RP1L1: variants seen among roughly 807,000 people sequenced by gnomAD.
RP1L1 encodes RP1 like 1.
Under a neutral mutation model 15.7 loss-of-function variants are expected in RP1L1, and 27 were observed. That is an observed-to-expected ratio of 1.72 (90% CI 1.27 to 2.38). The LOEUF is 2.38. RP1L1 is among the 30% of genes most tolerant of loss of function. RP1L1 has a pLI of 0.00. For synonymous variants in RP1L1, 1,813 were observed against 1,276.7 expected (o/e 1.42, Z -8.96); for missense variants, 4,798 against 3,075.9 (o/e 1.56, Z -13.24).
intron 1 of RP1L1, among the ~76,000 whole-genome samples, chr8:10,632,117 C>T (rs188465344): frequency 1.3e-5 from 2 of 152,284 alleles, no homozygotes; most frequent in South Asian, 2.1e-4. Flanking sequence ...CAACCCTGGC[C>T]CGGAAGAGGC....
chr8:10,631,274 C>T (rs377325495), intron 1 of RP1L1, among the ~76,000 whole-genome samples: 121 of 150,896 alleles, frequency 8.0e-4, no homozygotes, highest in Admixed American at 7.3e-3. Context: ...CACACAAACA[C>T]GCATGCACAC....
Position 10,610,428 on chromosome 8 carries a change from C to T in RP1L1, c.3670G>A (p.Val1224Met), listed in dbSNP as rs1797823471. The stretch of plus-strand genomic sequence containing the variant: ...AGGGGCAGCTCTGTCCCCTGTGTCA[C>T]CAGGGTGCCGTCCATGGCACAGGGT... ...SVPCAMDGTL[V>M]TQGTELPLKT... Residue 1224 changes from valine to methionine, a missense_variant, in exon 4 of 4, where the codon GTG becomes ATG. By Grantham distance (21) the Val-to-Met change is conservative (BLOSUM62 1). Coordinates refer to ENST00000382483, the MANE Select transcript of RP1L1 (RefSeq NM_178857.6). The T allele has an allele frequency of 1.2e-6, 2 of 1,613,928 alleles. No homozygotes were observed. Among genetic ancestry groups the T allele is most frequent in the African/African-American group, 2.7e-5 (2 of 75,054 alleles).
At chr8:10,629,299 G>A (rs1798205473) in intron 1 of RP1L1, among the ~76,000 whole-genome samples, 2 of 152,310 alleles carry the variant, frequency 1.3e-5, no homozygotes, top group African/African-American at 4.8e-5. Context: ...CCCTGCCTGG[G>A]GGCTACCCAT....
rs757952022 is a variant in RP1L1 at position 10,610,089 on chromosome 8, G to C, written c.4009C>G (p.Gln1337Glu). The C allele has an allele frequency of 1.9e-5, 28 of 1,481,290 alleles. No individual in the cohort carries two copies. The highest frequency in any genetic ancestry group is 1.8e-4 in the African/African-American group (12 of 68,260). 91.8% of individuals were successfully genotyped at this position (1,481,290 alleles called of 1,614,324 possible). A position where few individuals can be genotyped will look rare whatever the true frequency, so the allele number is the denominator to read the frequency against. ...TEEGLQEEGV[Q>E]LEETKETEGE... ...TCTGTTTCTTTAGTTTCCTCTAACT[G>C]CACCCCCTCTTCTTGCAGCCCTTCT... The change falls in exon 4 of 4, where the codon CAG becomes GAG. Residue 1337 changes from glutamine (Q) to glutamate (E), a missense_variant. Gln to Glu is a conservative substitution (Grantham distance 29). Transcript: ENST00000382483.
intron 2 of RP1L1, chr8:10,621,884 G>A (rs529184721): frequency 9.5e-6 from 4 of 422,868 alleles, no homozygotes. Context: ...TGCAGACCCA[G>A]CTTCCAATTC....
intron 1 of RP1L1, among the ~76,000 whole-genome samples, chr8:10,627,050 G>A (rs1296199055): frequency 1.3e-5 from 2 of 152,224 alleles, no homozygotes; most frequent in Non-Finnish European, 2.9e-5. Context: ...GTCAAATGAT[G>A]TGGCTGCTGT....
At chr8:10,631,428 C>T (rs553942046) in intron 1 of RP1L1, among the ~76,000 whole-genome samples, 184 of 145,188 alleles carry the variant, frequency 1.3e-3, no homozygotes, top group African/African-American at 4.3e-3. Flanking sequence ...CACACACATG[C>T]GCGCACACAC....
Position 10,611,197 on chromosome 8 carries a change from C to G in RP1L1, c.2901G>C (p.Glu967Asp). The G allele has an allele frequency of 6.2e-7, 1 of 1,612,964 alleles. No homozygotes were observed. The highest frequency in any genetic ancestry group is 2.2e-5 in the East Asian group (1 of 44,876). ...CCAACTCATATGTCATGAGTATGGG[C>G]TCTTCTGGAATGTTGTCCAGCCATT... Reference protein sequence around the residue: ...VREWLDNIPEEPILMTYELAD... With the variant: ...VREWLDNIPEDPILMTYELAD... The change falls in exon 4 of 4, where the codon GAG (glutamate) becomes GAC (aspartate). Residue 967 changes from glutamate (E) to aspartate (D), a missense_variant. Physicochemically the swap from Glu to Asp is conservative, Grantham distance 45. Transcript: ENST00000382483.
At chr8:10,621,997 A>G (rs926575855) in intron 2 of RP1L1, among the ~76,000 whole-genome samples, 4 of 152,186 alleles carry the variant, frequency 2.6e-5, no homozygotes, top group Admixed American at 2.6e-4. Flanking sequence ...AACCCCTGCA[A>G]TAATAGGTTA....
chr8:10,630,645 C>T (rs759905278), intron 1 of RP1L1, among the ~76,000 whole-genome samples: 2 of 152,206 alleles, frequency 1.3e-5, no homozygotes, highest in Non-Finnish European at 2.9e-5. Context: ...GGCTCTGCCT[C>T]CCTAGATAAC....
chr8:10,606,473 G>A lies in RP1L1; in HGVS notation c.*422C>T, dbSNP rs574075465. The A allele has an allele frequency of 2.0e-5, 4 of 197,982 alleles. No homozygotes were observed. The highest frequency in any genetic ancestry group is 1.9e-4 in the South Asian group (2 of 10,350). 12.3% of individuals were successfully genotyped at this position (197,982 alleles called of 1,614,324 possible). Reference sequence around the variant, plus strand: ...AGCACCTCAAAGTCAAATGAGGTGAGTGCCAACAGAAGCCAAGGAGAAAAG... The same window carrying A: ...AGCACCTCAAAGTCAAATGAGGTGAATGCCAACAGAAGCCAAGGAGAAAAG... On this transcript the variant is annotated 3_prime_UTR_variant, in exon 4 of 4. Transcript: ENST00000382483.
rs560860762 is a variant in RP1L1 at position 10,623,166 on chromosome 8, G to T, written c.36C>A (p.Ser12Arg). ...NSTPRNAQAP[S>R]HRECFLPSVA... ...CAGAGGGCAGGAAGCACTCACGGTGGCTCGGGGCCTGGGCATTCCTGGGGG... is the reference window on the plus strand; with the variant it reads ...CAGAGGGCAGGAAGCACTCACGGTGTCTCGGGGCCTGGGCATTCCTGGGGG... The change falls in exon 2 of 4, where the codon AGC (serine) becomes AGA (arginine). Residue 12 changes from serine to arginine, a missense_variant. Ser to Arg is a moderately radical substitution (Grantham distance 110). Transcript: ENST00000382483. 5.8e-5 allele frequency: 92 copies of T among 1,585,364 alleles called. 2 individuals carry two copies. In the Middle Eastern group the frequency reaches 1.4e-3, roughly 23 times the overall value.
chr8:10,631,109 A>G (rs1272168120), intron 1 of RP1L1, among the ~76,000 whole-genome samples: 1 of 152,114 alleles, frequency 6.6e-6, no homozygotes, highest in East Asian at 1.9e-4. Context: ...AACAGGGCCT[A>G]ACGTTGTGAA....
chr8:10,625,179 C>A (rs569380693), intron 1 of RP1L1, among the ~76,000 whole-genome samples: 1 of 152,186 alleles, frequency 6.6e-6, no homozygotes, highest in Non-Finnish European at 1.5e-5. Flanking sequence ...CAATCAGGAG[C>A]AGGGGAAGAC....
chr8:10,627,793 A>C (rs1278069921), intron 1 of RP1L1, among the ~76,000 whole-genome samples: 1 of 152,236 alleles, frequency 6.6e-6, no homozygotes, highest in Non-Finnish European at 1.5e-5. Flanking sequence ...CGTTCCACAC[A>C]ACAGAACTCT....
intron 1 of RP1L1, among the ~76,000 whole-genome samples, chr8:10,624,045 C>T (rs1157015481): frequency 1.3e-5 from 2 of 152,188 alleles, no homozygotes; most frequent in African/African-American, 4.8e-5. Context: ...GTCTTCAGCA[C>T]TGTCTTGTCC....
intron 1 of RP1L1, among the ~76,000 whole-genome samples, chr8:10,647,827 C>G (rs781004215): frequency 6.6e-6 from 1 of 152,126 alleles, no homozygotes; most frequent in African/African-American, 2.4e-5. Flanking sequence ...TTTTCAAGAC[C>G]CTGTTTTCAA....
rs769202830 is a variant in RP1L1, at chr8:10,613,354, G to T, written c.752-8C>A. 1 of 1,599,454 alleles carries T rather than the reference G, an allele frequency of 6.3e-7. No individual in the cohort carries two copies. The highest frequency in any genetic ancestry group is 8.5e-7 in the Non-Finnish European group (1 of 1,179,916). ...TCTTTGGCCCCCAGCTCCCTGGCAC[G>T]CAGTGAAGAGGAAAAGAAAAGAAGA... On this transcript the variant is annotated splice_region_variant and splice_polypyrimidine_tract_variant and intron_variant, in intron 3 of 3. Transcript: ENST00000382483.
chr8:10,607,662 C>G lies in RP1L1; in HGVS notation c.6436G>C (p.Glu2146Gln). 1.3e-6 allele frequency: 2 copies of G among 1,590,488 alleles called. No homozygotes were observed. Among genetic ancestry groups the G allele is most frequent in the East Asian group, 2.3e-5 (1 of 43,840 alleles). Residue 2146 changes from glutamate to glutamine, a missense_variant, in exon 4 of 4, where the codon GAA becomes CAA. Transcript: ENST00000382483. ...EAEGEAQPES[E>Q]GVEAQDAEGE... Reference sequence around the variant, plus strand: ...TCTGCATCCTGGGCCTCTACACCTTCTGACTCAGGCTGGGCCTCCCCTTCA... The same window carrying G: ...TCTGCATCCTGGGCCTCTACACCTTGTGACTCAGGCTGGGCCTCCCCTTCA...
Sources: allele counts gnomAD v4.1 joint callset (sites outside exome capture counted in the v4.1 genomes callset), GRCh38; gene constraint gnomAD v4.1.1; transcripts MANE v1.5; gene names NCBI Gene and HGNC (gene_info 2026-07-23, HGNC 2026-07-21).